The following CTNNB1 variants were observed in gnomAD, a reference collection of about 807,000 sequenced individuals.
CTNNB1 encodes catenin beta-1.
CTNNB1 carries 6 observed loss-of-function variants against 82.5 expected under a neutral mutation model. The ratio of observed to expected loss-of-function variants is 0.07; its 90% CI spans 0.04 to 0.14. The LOEUF (loss-of-function observed/expected upper bound fraction) is 0.14. Among genes scored for constraint, CTNNB1 ranks in the 10% least tolerant of loss-of-function variants. The probability of loss-of-function intolerance (pLI) is 1.00; values close to 1 mark genes in which losing one functional copy is unlikely to be tolerated. For synonymous variants in CTNNB1, 312 were observed against 329.7 expected (o/e 0.95, Z 0.58); for missense variants, 529 against 980.4 (o/e 0.54, Z 6.15).
chr3:41,203,964 G>A (rs974405527), intron 1 of CTNNB1, among the ~76,000 whole-genome samples: 5 of 152,150 alleles, frequency 3.3e-5, no homozygotes, highest in South Asian at 2.1e-4. Context: ...GAATGAAAAC[G>A]TTAGCGTAGG....
chr3:41,225,954 C>T lies in CTNNB1; in HGVS notation c.936+93C>T. The T allele has an allele frequency of 8.2e-7, 1 of 1,216,612 alleles. No homozygotes were observed. The highest frequency in any genetic ancestry group is 1.3e-5 in the South Asian group (1 of 79,360). The allele number at this position is 1,216,612 out of a possible 1,614,324, so 75.4% of individuals were successfully genotyped here. On this transcript the variant is annotated intron_variant, in intron 6 of 14. Coordinates refer to ENST00000349496, the MANE Select transcript of CTNNB1 (RefSeq NM_001904.4). This position sits in a 1 kb window ranked among gnomAD's most constrained non-coding sequence, Gnocchi z 5.3. ...GCAGTGTTCCTAACCTTTTTGGCAC[C>T]AGGGACCAGTTTCGTGGAAAACAGT...
intron 1 of CTNNB1, among the ~76,000 whole-genome samples, chr3:41,210,160 A>C (rs2077745514): frequency 6.6e-6 from 1 of 152,050 alleles, no homozygotes; most frequent in African/African-American, 2.4e-5. Flanking sequence ...TTTGTTGAAA[A>C]ACTAAGACAT....
At chr3:41,237,446 C>CAAAAA (rs3038134) in intron 13 of CTNNB1, 20,941 of 65,078 alleles carry the variant, frequency 0.32, 3,219 homozygotes, top group Non-Finnish European at 0.41. Flanking sequence ...GACTCCAACA[C>CAAAAA]AAAAAAAAAA....
At chr3:41,230,909 C>CAA (rs200467686) in intron 7 of CTNNB1, among the ~76,000 whole-genome samples, 6 of 151,222 alleles carry the variant, frequency 4.0e-5, no homozygotes, top group Non-Finnish European at 8.9e-5. Context: ...TGAGCTAAAA[C>CAA]AAAAAAAAAT....
At chr3:41,230,761 C>T (rs752872507) in intron 7 of CTNNB1, among the ~76,000 whole-genome samples, 1 of 152,092 alleles carries the variant, frequency 6.6e-6, no homozygotes, top group Non-Finnish European at 1.5e-5. Context: ...GAGGGTTAAA[C>T]GTTTTCCAGG....
intron 1 of CTNNB1, among the ~76,000 whole-genome samples, chr3:41,205,891 A>G (rs993071865): frequency 6.6e-5 from 10 of 152,202 alleles, no homozygotes; most frequent in Admixed American, 2.6e-4. Flanking sequence ...CCCCAAGTCT[A>G]TCCCACAATC....
At chr3:41,215,931 A>G (rs549652958) in intron 1 of CTNNB1, among the ~76,000 whole-genome samples, 38 of 152,232 alleles carry the variant, frequency 2.5e-4, no homozygotes, top group Non-Finnish European at 4.4e-4. Flanking sequence ...GTTCTTTACT[A>G]TTACATGTGA....
intron 1 of CTNNB1, among the ~76,000 whole-genome samples, chr3:41,204,264 A>C (rs1458831400): frequency 6.6e-6 from 1 of 152,152 alleles, no homozygotes; most frequent in Non-Finnish European, 1.5e-5. Context: ...TGATTTTTCA[A>C]GAGTTTTCTG....
At chr3:41,209,651 C>A (rs1431449145) in intron 1 of CTNNB1, among the ~76,000 whole-genome samples, 1 of 152,134 alleles carries the variant, frequency 6.6e-6, no homozygotes, top group African/African-American at 2.4e-5. Flanking sequence ...TACTACACAT[C>A]TAGGCTATAT....
At chr3:41,207,683 C>T (rs1034440020) in intron 1 of CTNNB1, among the ~76,000 whole-genome samples, 4 of 152,078 alleles carry the variant, frequency 2.6e-5, no homozygotes, top group Non-Finnish European at 5.9e-5. Flanking sequence ...TTTTTTGGTC[C>T]CCATCTCCCA....
chr3:41,236,074 C>T (rs905440109), intron 11 of CTNNB1: 1 of 686,988 alleles, frequency 1.5e-6, no homozygotes, highest in South Asian at 1.9e-5. Context: ...CCTGGGCTGC[C>T]AGAGGCAGGG....
rs775883823 is a variant in CTNNB1, at chr3:41,211,147, C to G, written c.-49+11477C>G. ...TAAACCTACTGTGGTTTCGTTTACA[C>G]CAGCATCACCACAAACACCATGAGT... On this transcript the variant is annotated intron_variant, in intron 1 of 14. Coordinates refer to ENST00000349496, the MANE Select transcript of CTNNB1 (RefSeq NM_001904.4). The G allele has an allele frequency of 2.4e-5, 11 of 449,228 alleles. No homozygotes were observed. The Admixed American group carries it at 2.6e-4, about 11-fold the overall frequency. 27.8% of individuals were successfully genotyped at this position (449,228 alleles called of 1,614,324 possible).
At chr3:41,207,723 A>C (rs2077681643) in intron 1 of CTNNB1, among the ~76,000 whole-genome samples, 1 of 152,156 alleles carries the variant, frequency 6.6e-6, no homozygotes, top group Admixed American at 6.5e-5. Flanking sequence ...CATTCATTGT[A>C]ACTTCTGGAA....
intron 7 of CTNNB1, 150 bp from the exon 8 acceptor site, chr3:41,233,191 C>T (rs1240067977): frequency 2.7e-6 from 2 of 734,858 alleles, no homozygotes; most frequent in Admixed American, 2.2e-5. Flanking sequence ...GAGCAACATT[C>T]TAGAAAATGA....
chr3:41,233,386 G>A lies in CTNNB1; in HGVS notation c.1127G>A (p.Arg376His), dbSNP rs2125637738. The A allele has an allele frequency of 6.2e-7, 1 of 1,614,186 alleles. No individual in the cohort carries two copies. The highest frequency in any genetic ancestry group is 8.5e-7 in the Non-Finnish European group (1 of 1,180,036). Residue 376 changes from arginine to histidine, a missense_variant, in exon 8 of 15, where the codon CGT (arginine) becomes CAT (histidine). Arg to His is a conservative substitution (Grantham distance 29). Around this residue, in one of 4 missense-constraint regions of CTNNB1, gnomAD observed 411 missense variants for 776.4 expected, o/e 0.53. Coordinates refer to ENST00000349496, the MANE Select transcript of CTNNB1 (RefSeq NM_001904.4). ...LGLHLTDPSQ[R>H]LVQNCLWTLR... Reference sequence around the variant, plus strand: ...CTTCACCTGACAGATCCAAGTCAACGTCTTGTTCAGAACTGTCTTTGGACT... The same window carrying A: ...CTTCACCTGACAGATCCAAGTCAACATCTTGTTCAGAACTGTCTTTGGACT...
At chr3:41,216,040 A>AT (rs1488801858) in intron 1 of CTNNB1, among the ~76,000 whole-genome samples, 1 of 152,136 alleles carries the variant, frequency 6.6e-6, no homozygotes, top group Admixed American at 6.5e-5. Context: ...TGGAAATATG[A>AT]TTAGATTGAA....
chr3:41,201,206 T>C (rs1163780561), intron 1 of CTNNB1, among the ~76,000 whole-genome samples: 2 of 152,208 alleles, frequency 1.3e-5, no homozygotes, highest in Non-Finnish European at 2.9e-5. Flanking sequence ...GTAAATATAG[T>C]CTCAAGTGTT....
At chr3:41,210,717 A>C (rs1336761870) in intron 1 of CTNNB1, among the ~76,000 whole-genome samples, 1 of 152,182 alleles carries the variant, frequency 6.6e-6, no homozygotes, top group East Asian at 1.9e-4. Flanking sequence ...AATGATAAAA[A>C]GTATAGTAAG....
rs1269171924 is a variant in CTNNB1 at position 41,239,079 on chromosome 3, CCT to C, written c.2138-48_2138-47del. Reference sequence around the variant, plus strand: ...TGTTAACGTCTATGTCTGCTTCTCTCCTCTCTCTTTTGCCTTCCTTCTTGCCT... The same window carrying C: ...TGTTAACGTCTATGTCTGCTTCTCTCCTCTCTTTTGCCTTCCTTCTTGCCT... On this transcript the variant is annotated intron_variant, in intron 14 of 14. Transcript: ENST00000349496. 6 of 1,432,590 alleles carry C rather than the reference CCT, an allele frequency of 4.2e-6. No homozygotes were observed. The East Asian group carries it at 9.1e-5, about 22-fold the overall frequency. 88.7% of individuals were successfully genotyped at this position (1,432,590 alleles called of 1,614,324 possible). A position where few individuals can be genotyped will look rare whatever the true frequency, so the allele number is the denominator to read the frequency against.
Sources: gnomAD v4.1 joint callset for allele counts (sites outside exome capture counted in the v4.1 genomes callset) on GRCh38, gnomAD v4.1.1 for gene constraint, gnomAD v4.1.1 regional missense constraint, Gnocchi (gnomAD v3.1) non-coding constraint, MANE v1.5 for transcripts, NCBI Gene and HGNC (gene_info 2026-07-23, HGNC 2026-07-21) for gene names.